The following GRIK1 variants were observed in gnomAD, a reference collection of about 807,000 sequenced individuals.
GRIK1 encodes the protein glutamate ionotropic receptor kainate type subunit 1.
GRIK1 carries 69 observed loss-of-function variants against 105.7 expected under a neutral mutation model. That is an observed-to-expected ratio of 0.65 (90% confidence interval 0.54 to 0.80). The LOEUF is 0.80. GRIK1 is among the 30% of genes least tolerant of loss of function. The pLI, the probability that GRIK1 is intolerant of heterozygous loss-of-function variation, is 0.00. For synonymous variants in GRIK1, 438 were observed against 431.3 expected (o/e 1.02, Z -0.19); for missense variants, 1,109 against 1,167.3 (o/e 0.95, Z 0.73).
chr21:29,597,731 C>A (rs1184905730), intron 8 of GRIK1: 2 of 371,212 alleles, frequency 5.4e-6, no homozygotes, highest in South Asian at 2.2e-5. Flanking sequence ...ACTCTCAAAA[C>A]TGCAAACAAA....
chr21:29,920,123 C>T (rs965313903), intron 1 of GRIK1, among the ~76,000 whole-genome samples: 5 of 151,410 alleles, frequency 3.3e-5, no homozygotes, highest in African/African-American at 7.4e-5. Flanking sequence ...CTTCTTTGCT[C>T]ACAGTCTCTC....
intron 9 of GRIK1, among the ~76,000 whole-genome samples, chr21:29,595,031 C>T (rs905745803): frequency 2.6e-5 from 4 of 151,962 alleles, no homozygotes; most frequent in Non-Finnish European, 4.4e-5. Context: ...GAGTGGGTCG[C>T]CTGTGCTAGA....
At chr21:29,897,136 A>G (rs888678433) in intron 1 of GRIK1, among the ~76,000 whole-genome samples, 3 of 152,176 alleles carry the variant, frequency 2.0e-5, no homozygotes, top group African/African-American at 7.2e-5. Context: ...ATAATTTTTC[A>G]TGCCTTTGTC....
At chr21:29,565,091 C>A (rs911164438) in intron 14 of GRIK1, among the ~76,000 whole-genome samples, 1 of 152,182 alleles carries the variant, frequency 6.6e-6, no homozygotes, top group African/African-American at 2.4e-5. Flanking sequence ...AACTTTCTCT[C>A]TGACAGAAAA....
At chr21:29,729,114 C>T (rs28370463) in intron 1 of GRIK1, among the ~76,000 whole-genome samples, 128 of 152,270 alleles carry the variant, frequency 8.4e-4, no homozygotes, top group Non-Finnish European at 1.5e-3. Context: ...TCATCCCATT[C>T]CCCAAAGCTT....
In GRIK1 at chr21:29,751,289, A is replaced by G. The variant is rs142152694; in HGVS notation, c.119-57226T>C. Among the ~76,000 whole-genome samples the G allele has an allele frequency of 2.8e-4, 42 of 152,316 alleles. No homozygotes were observed. In the East Asian group the frequency reaches 8.1e-3, roughly 29 times the overall value. Reference sequence around the variant, plus strand: ...TTGATATACCTAATAAGATATATCAAATAAGATAGATAGGTTTTAAATAAG... The same window carrying G: ...TTGATATACCTAATAAGATATATCAGATAAGATAGATAGGTTTTAAATAAG... On this transcript the variant is annotated intron_variant, in intron 1 of 17. Coordinates refer to ENST00000327783, the MANE Select transcript of GRIK1 (RefSeq NM_001330994.2).
intron 14 of GRIK1, among the ~76,000 whole-genome samples, chr21:29,562,830 TTA>T (rs1019544321): frequency 3.9e-5 from 6 of 152,106 alleles, no homozygotes; most frequent in African/African-American, 1.2e-4. Flanking sequence ...CAGTAATAAA[TTA>T]TATATGTTAT....
At chr21:29,650,233 G>A (rs2062703272) in intron 6 of GRIK1, among the ~76,000 whole-genome samples, 2 of 151,996 alleles carry the variant, frequency 1.3e-5, no homozygotes, top group African/African-American at 4.8e-5. Flanking sequence ...AGAAAAAGGG[G>A]AAAAAAATCC....
At chr21:29,567,703 A>C (rs368723038) in intron 14 of GRIK1, among the ~76,000 whole-genome samples, 216 of 152,344 alleles carry the variant, frequency 1.4e-3, no homozygotes, top group African/African-American at 4.8e-3. Flanking sequence ...AGACATAGAC[A>C]TTGGCTATGT....
chr21:29,625,649 C>T (rs1057414125), intron 7 of GRIK1, among the ~76,000 whole-genome samples: 1 of 152,108 alleles, frequency 6.6e-6, no homozygotes, highest in African/African-American at 2.4e-5. Context: ...TATAATGTGA[C>T]CAAATGTATG....
intron 7 of GRIK1, among the ~76,000 whole-genome samples, chr21:29,621,420 C>T (rs544517245): frequency 5.9e-4 from 90 of 151,930 alleles, no homozygotes; most frequent in Non-Finnish European, 7.9e-4. Context: ...GTGGGGAAGA[C>T]GATCTAAAAC....
chr21:29,896,346 T>C (rs2070159553), intron 1 of GRIK1, among the ~76,000 whole-genome samples: 1 of 152,192 alleles, frequency 6.6e-6, no homozygotes, highest in South Asian at 2.1e-4. Context: ...ATATTTTCCT[T>C]CTCTGCTTCA....
chr21:29,756,208 C>T (rs1173368056), intron 1 of GRIK1, among the ~76,000 whole-genome samples: 2 of 152,084 alleles, frequency 1.3e-5, no homozygotes, highest in African/African-American at 4.8e-5. Flanking sequence ...GGTGAAACCC[C>T]GTCTCTACTA....
chr21:29,848,779 A>ATATTT, intron 1 of GRIK1, among the ~76,000 whole-genome samples: 1,878 of 77,858 alleles, frequency 0.024, 43 homozygotes, highest in South Asian at 0.043. Context: ...ATATATATAT[A>ATATTT]TTTTTTTTTT....
chr21:29,918,552 C>A (rs989425843), intron 1 of GRIK1, among the ~76,000 whole-genome samples: 2 of 152,058 alleles, frequency 1.3e-5, no homozygotes, highest in African/African-American at 4.8e-5. Flanking sequence ...AATTGAAAAT[C>A]TTTAAATGCA....
At chr21:29,906,811 T>C (rs548922331) in intron 1 of GRIK1, among the ~76,000 whole-genome samples, 1 of 152,276 alleles carries the variant, frequency 6.6e-6, no homozygotes, top group East Asian at 1.9e-4. Context: ...TTCTCCCATT[T>C]ACTCCATTTT....
At chr21:29,728,357 G>C (rs1357976352) in intron 1 of GRIK1, among the ~76,000 whole-genome samples, 2 of 152,172 alleles carry the variant, frequency 1.3e-5, no homozygotes, top group Admixed American at 1.3e-4. Flanking sequence ...GGTCAGCAAG[G>C]CTCAGTGAAT....
intron 1 of GRIK1, among the ~76,000 whole-genome samples, chr21:29,848,869 A>C (rs2068221291): frequency 6.7e-6 from 1 of 148,150 alleles, no homozygotes; most frequent in African/African-American, 2.5e-5. Context: ...GATTCTTCTT[A>C]AATGTCGTCT....
intron 1 of GRIK1, among the ~76,000 whole-genome samples, chr21:29,790,604 C>A (rs1278630074): frequency 6.6e-6 from 1 of 151,958 alleles, no homozygotes; most frequent in Non-Finnish European, 1.5e-5. Context: ...TACAGGCGTG[C>A]ACCACCATGC....
Sources: allele counts gnomAD v4.1 joint callset (sites outside exome capture counted in the v4.1 genomes callset), GRCh38; gene constraint gnomAD v4.1.1; transcripts MANE v1.5; gene names NCBI Gene and HGNC (gene_info 2026-07-23, HGNC 2026-07-21).